DLG1: variants seen among roughly 807,000 people sequenced by gnomAD.
DLG1 encodes the protein disks large homolog 1.
A neutral mutation model predicts 123.4 loss-of-function variants in DLG1; 42 were observed. The observed-to-expected ratio is 0.34, with a 90% CI of 0.27 to 0.44. The LOEUF (loss-of-function observed/expected upper bound fraction) is 0.44, where lower values mean the gene tolerates loss of function less well. DLG1 is among the 20% of genes least tolerant of loss of function. DLG1 has a pLI of 1.00. For missense variants in DLG1, 942 were observed against 1,082.6 expected (o/e 0.87, Z 1.82); for synonymous variants, 317 against 356.2 (o/e 0.89, Z 1.24).
intron 22 of DLG1, among the ~76,000 whole-genome samples, chr3:197,062,585 T>G (rs1736609531): frequency 6.6e-6 from 1 of 152,206 alleles, no homozygotes; most frequent in African/African-American, 2.4e-5. Context: ...TCTTCATCAT[T>G]CTTTGAGTGC....
chr3:197,165,515 G>C (rs1192429989), intron 5 of DLG1, among the ~76,000 whole-genome samples: 3 of 146,996 alleles, frequency 2.0e-5, no homozygotes, highest in East Asian at 1.9e-4. Flanking sequence ...TGGTAAACTT[G>C]ATGTAAACTT....
intron 17 of DLG1, 140 bp from the exon 18 acceptor site, chr3:197,076,825 A>G (rs1219291780): frequency 8.7e-6 from 4 of 461,502 alleles, no homozygotes; most frequent in East Asian, 3.7e-5. Context: ...AATCTCATAT[A>G]AAGTGAATTT....
chr3:197,104,622 C>T (rs111908826), intron 14 of DLG1, among the ~76,000 whole-genome samples: 1,633 of 152,034 alleles, frequency 0.011, 32 homozygotes, highest in African/African-American at 0.037. Context: ...GCAGAGGTTG[C>T]GGTGAGCTGA....
rs1450355351 is a variant in DLG1, at chr3:197,043,948, T to C, written c.*675A>G. 1.3e-5 allele frequency: 2 copies of C among 152,182 alleles called. No individual in the cohort carries two copies. The highest frequency in any genetic ancestry group is 3.8e-4 in the East Asian group (2 of 5,204). 9.4% of individuals were successfully genotyped at this position (152,182 alleles called of 1,614,324 possible). A position where few individuals can be genotyped will look rare whatever the true frequency, so the allele number is the denominator to read the frequency against. On this transcript the variant is annotated 3_prime_UTR_variant, in exon 25 of 25. Coordinates refer to ENST00000667157, the MANE Select transcript of DLG1 (RefSeq NM_001366207.1). ...TATGAACAACTTTTGTAAGACACGATAGTGTTGCTCAAGTAGATTAAAAAC... is the reference window on the plus strand; with the variant it reads ...TATGAACAACTTTTGTAAGACACGACAGTGTTGCTCAAGTAGATTAAAAAC...
rs1180350880 is a variant in DLG1, at chr3:197,206,656, T to C, written c.319-12067A>G. ...ATCTGATTAATGGGGAAACACATCA[T>C]TTGCATTAAAGTCAGAAATAAGCAT... On this transcript the variant is annotated intron_variant, in intron 4 of 24. Transcript: ENST00000667157. Among the ~76,000 whole-genome samples the C allele has an allele frequency of 2.6e-5, 4 of 152,072 alleles. No homozygotes were observed. The East Asian group carries it at 5.8e-4, about 22-fold the overall frequency.
At chr3:197,052,314 G>T (rs952540160) in intron 23 of DLG1, among the ~76,000 whole-genome samples, 1 of 152,032 alleles carries the variant, frequency 6.6e-6, no homozygotes, top group Admixed American at 6.5e-5. Flanking sequence ...AATTAGCTGG[G>T]TGTGGTGGCG....
intron 4 of DLG1, among the ~76,000 whole-genome samples, chr3:197,275,999 G>A (rs1445716237): frequency 6.6e-6 from 1 of 152,172 alleles, no homozygotes; most frequent in East Asian, 1.9e-4. Context: ...ATATAAATAT[G>A]TATAATTATT....
At chr3:197,091,836 C>T (rs1757887308) in intron 14 of DLG1, among the ~76,000 whole-genome samples, 2 of 151,990 alleles carry the variant, frequency 1.3e-5, no homozygotes, top group Admixed American at 6.5e-5. Flanking sequence ...TCTTATAAAG[C>T]CTGTCTTACA....
intron 5 of DLG1, chr3:197,184,064 TTTCTTTC>T: frequency 8.0e-7 from 1 of 1,250,016 alleles, no homozygotes; most frequent in Non-Finnish European, 1.0e-6. Flanking sequence ...ATAAGGTGGA[TTTCTTTC>T]TCATGATTAT....
intron 5 of DLG1, among the ~76,000 whole-genome samples, chr3:197,193,570 A>G (rs1289613863): frequency 6.6e-6 from 1 of 152,244 alleles, no homozygotes; most frequent in Non-Finnish European, 1.5e-5. Flanking sequence ...TTCATAAAAT[A>G]GAAAACTCTA....
At chr3:197,139,864 A>G (rs569156768) in intron 8 of DLG1, among the ~76,000 whole-genome samples, 1 of 152,370 alleles carries the variant, frequency 6.6e-6, no homozygotes, top group African/African-American at 2.4e-5. Context: ...GAAACTCATG[A>G]TTTCTATAAA....
chr3:197,150,491 AT>A (rs1793329865), intron 5 of DLG1, among the ~76,000 whole-genome samples: 1 of 152,138 alleles, frequency 6.6e-6, no homozygotes, highest in Non-Finnish European at 1.5e-5. Context: ...ATAAAATGCA[AT>A]AACAAATGAA....
chr3:197,092,864 T>C (rs1167450587), intron 14 of DLG1, among the ~76,000 whole-genome samples: 2 of 152,190 alleles, frequency 1.3e-5, no homozygotes, highest in Non-Finnish European at 2.9e-5. Flanking sequence ...GCCAAGTGGA[T>C]ACACATTTAG....
rs1779205261 is a variant in DLG1, at chr3:197,126,510, C to T, written c.1165+4017G>A. On this transcript the variant is annotated intron_variant, in intron 11 of 24. Transcript: ENST00000667157. ...TAATCATAATCAGGGCACTAATACT[C>T]AATTCGTGGAACAACTGTCACAATG... 5.3e-5 allele frequency among the ~76,000 whole-genome samples: 8 copies of T among 151,634 alleles called. No homozygotes were observed. The South Asian group carries it at 1.7e-3, about 32-fold the overall frequency.
At chr3:197,263,355 G>A (rs1760289485) in intron 4 of DLG1, among the ~76,000 whole-genome samples, 1 of 148,004 alleles carries the variant, frequency 6.8e-6, no homozygotes, top group African/African-American at 2.5e-5. Flanking sequence ...CTTCGGGGGG[G>A]TGGGAGGAGG....
chr3:197,147,432 G>GCGCACA (rs967982862), intron 6 of DLG1, among the ~76,000 whole-genome samples: 72 of 147,192 alleles, frequency 4.9e-4, no homozygotes, highest in African/African-American at 1.6e-3. Context: ...TATATGGTGT[G>GCGCACA]CACACACACA....
chr3:197,104,436 C>T (rs1765209328), intron 14 of DLG1, among the ~76,000 whole-genome samples: 1 of 152,116 alleles, frequency 6.6e-6, no homozygotes, highest in Non-Finnish European at 1.5e-5. Flanking sequence ...AATCACAGCA[C>T]TTTGGGAGGC....
At chr3:197,130,424 T>C in intron 11 of DLG1, 103 bp downstream of exon 11, 1 of 1,022,862 alleles carries the variant, frequency 9.8e-7, no homozygotes, top group Non-Finnish European at 1.3e-6. Flanking sequence ...TTTAAAAATA[T>C]TTGCATAATG....
Position 197,051,471 on chromosome 3 carries a change from T to C in DLG1, c.2575+106A>G. The C allele has an allele frequency of 8.5e-6, 7 of 822,492 alleles. 1 individual carries two copies. Among genetic ancestry groups the C allele is most frequent in the Non-Finnish European group, 1.4e-5 (7 of 495,032 alleles). 50.9% of individuals were successfully genotyped at this position (822,492 alleles called of 1,614,324 possible). On this transcript the variant is annotated intron_variant, in intron 24 of 24. Transcript: ENST00000667157. The stretch of plus-strand genomic sequence containing the variant: ...GCCTAGGCTGGATGATACTAGTTAC[T>C]ACGGGTAGATGTAGGCATAGTTCAA...
Sources: allele counts gnomAD v4.1 joint callset (sites outside exome capture counted in the v4.1 genomes callset), GRCh38; gene constraint gnomAD v4.1.1; transcripts MANE v1.5; gene names NCBI Gene and HGNC (gene_info 2026-07-23, HGNC 2026-07-21).